Variants in DDX4 observed in about 807,000 individuals in gnomAD.
The protein encoded by DDX4 is DEAD-box helicase 4, also known as probable ATP-dependent RNA helicase DDX4.
A neutral mutation model predicts 100.0 loss-of-function variants in DDX4; 25 were observed. The ratio of observed to expected loss-of-function variants is 0.25; its 90% CI spans 0.18 to 0.35. The LOEUF (loss-of-function observed/expected upper bound fraction) is 0.35. Ranked by LOEUF, DDX4 falls within the 10% of genes least tolerant of loss-of-function variation. DDX4 has a pLI of 1.00. For synonymous variants in DDX4, 259 were observed against 275.7 expected (o/e 0.94, Z 0.60); for missense variants, 635 against 882.4 (o/e 0.72, Z 3.55).
At chr5:55,782,104 CT>C in intron 10 of DDX4, 123 bp downstream of exon 10, 1 of 1,077,270 alleles carries the variant, frequency 9.3e-7, no homozygotes, top group Non-Finnish European at 1.4e-6. Flanking sequence ...ACTGTTATTG[CT>C]TTTATACACT....
At chr5:55,745,879 A>G (rs187833073) in intron 2 of DDX4, among the ~76,000 whole-genome samples, 64 of 152,306 alleles carry the variant, frequency 4.2e-4, no homozygotes, top group Admixed American at 2.1e-3. Context: ...TAGTACTTCA[A>G]TCAAACTCTT....
At chr5:55,811,960 A>T (rs1469655152) in intron 18 of DDX4, among the ~76,000 whole-genome samples, 1 of 152,208 alleles carries the variant, frequency 6.6e-6, no homozygotes, top group East Asian at 1.9e-4. Context: ...GAGTAAGTGT[A>T]TTAAGCTTTA....
chr5:55,757,250 A>G (rs749309321), intron 3 of DDX4, among the ~76,000 whole-genome samples: 2 of 152,170 alleles, frequency 1.3e-5, no homozygotes, highest in Admixed American at 6.6e-5. Context: ...GTAGTCTTTT[A>G]TCCCTCACCC....
chr5:55,738,608 C>T (rs897630931), intron 1 of DDX4, among the ~76,000 whole-genome samples: 1 of 152,072 alleles, frequency 6.6e-6, no homozygotes, highest in Admixed American at 6.5e-5. Flanking sequence ...AAAAAAGTTG[C>T]CTCTCCCTTA....
chr5:55,762,622 C>T (rs1385798769), intron 4 of DDX4, among the ~76,000 whole-genome samples: 1 of 151,992 alleles, frequency 6.6e-6, no homozygotes, highest in African/African-American at 2.4e-5. Flanking sequence ...TTTAGAATTA[C>T]ATAGTGAGAA....
intron 11 of DDX4, 22 bp from the exon 12 acceptor site, chr5:55,785,425 T>C: frequency 6.2e-7 from 1 of 1,603,858 alleles, no homozygotes; most frequent in Non-Finnish European, 8.5e-7. Flanking sequence ...ATGTATCTCT[T>C]TTTTATTTGA....
chr5:55,816,629 C>T lies in DDX4; in HGVS notation c.*89C>T. ...TTTTTAACAGAAGTATAAAACTTAA[C>T]ATTCTCATAGCTCCTGTCCTTGTAT... On this transcript the variant is annotated 3_prime_UTR_variant, in exon 22 of 22. Coordinates refer to ENST00000505374, the MANE Select transcript of DDX4 (RefSeq NM_024415.3). 6.5e-7 allele frequency: 1 copy of T among 1,541,132 alleles called. No individual in the cohort carries two copies. The highest frequency in any genetic ancestry group is 1.2e-5 in the South Asian group (1 of 81,724).
At chr5:55,787,696 C>A in intron 14 of DDX4, 150 bp from the exon 15 acceptor site, 2 of 824,380 alleles carry the variant, frequency 2.4e-6, no homozygotes, top group Non-Finnish European at 3.5e-6. Flanking sequence ...TTAAGAACAC[C>A]TTGAAATGAA....
Position 55,815,122 on chromosome 5 carries a change from T to G in DDX4, c.1937T>G (p.Leu646Arg). 1.2e-6 allele frequency: 2 copies of G among 1,614,244 alleles called. No homozygotes were observed. The highest frequency in any genetic ancestry group is 1.7e-6 in the Non-Finnish European group (2 of 1,180,048). Residue 646 changes from leucine to arginine, a missense_variant, in exon 20 of 22, where the codon CTT becomes CGT. Coordinates refer to ENST00000505374, the MANE Select transcript of DDX4 (RefSeq NM_024415.3). ...NTGRAISFFD[L>R]ESDNHLAQPL... ...GGCAGAGCAATTTCCTTTTTTGATC[T>G]TGAATCGGATAACCATTTAGCACAG...
rs148222084 is a variant in DDX4 at position 55,792,739 on chromosome 5, A to G, written c.1401A>G (p.Pro467=). Residue 467 remains proline (P), a synonymous_variant, in exon 17 of 22, where the codon CCA becomes CCG. Transcript: ENST00000505374. ...AAATGAAGAAGTTAATTTCTTGCCC[A>G]GGAATGCCATCAAAGGAACAGCGCC... ...GPEMKKLISC[P]GMPSKEQRQT... is the part of the protein sequence containing the mutation. The G allele has an allele frequency of 4.7e-5, 75 of 1,601,146 alleles. 1 individual carries two copies. The highest frequency in any genetic ancestry group is 3.3e-5 in the Non-Finnish European group (39 of 1,172,486).
intron 18 of DDX4, among the ~76,000 whole-genome samples, chr5:55,803,885 C>A (rs1157325713): frequency 6.6e-6 from 1 of 152,134 alleles, no homozygotes; most frequent in African/African-American, 2.4e-5. Flanking sequence ...AGTTCTAGAT[C>A]CCTGAGGAAT....
At chr5:55,788,897 C>T (rs1366173111) in intron 15 of DDX4, among the ~76,000 whole-genome samples, 3 of 152,120 alleles carry the variant, frequency 2.0e-5, no homozygotes, top group East Asian at 3.9e-4. Context: ...GAAAACCCAT[C>T]TCTACAAAAA....
At chr5:55,762,945 C>G (rs1740654945) in intron 4 of DDX4, among the ~76,000 whole-genome samples, 2 of 152,088 alleles carry the variant, frequency 1.3e-5, no homozygotes, top group Admixed American at 1.3e-4. Flanking sequence ...ATAATACCAA[C>G]TAGTAGAAAG....
chr5:55,797,638 A>G (rs1743047651), intron 17 of DDX4, among the ~76,000 whole-genome samples: 1 of 152,186 alleles, frequency 6.6e-6, no homozygotes, highest in African/African-American at 2.4e-5. Flanking sequence ...CATAGGAGGG[A>G]GAGGCATTGA....
At chr5:55,778,009 A>T (rs1049208550) in intron 7 of DDX4, among the ~76,000 whole-genome samples, 3 of 152,176 alleles carry the variant, frequency 2.0e-5, no homozygotes, top group East Asian at 3.9e-4. Context: ...GCTTGATTTA[A>T]TATTTGTTTG....
At chr5:55,760,048 C>A (rs1279147361) in intron 3 of DDX4, 152 bp from the exon 4 acceptor site, 2 of 584,272 alleles carry the variant, frequency 3.4e-6, no homozygotes, top group Non-Finnish European at 2.8e-6. Context: ...ATTCATGTAG[C>A]CATTTTTTTT....
chr5:55,743,402 A>G (rs1008870849), intron 2 of DDX4, among the ~76,000 whole-genome samples: 12 of 151,962 alleles, frequency 7.9e-5, no homozygotes, highest in African/African-American at 2.9e-4. Flanking sequence ...CTTTAACTTA[A>G]TTTCATCTGC....
At chr5:55,800,758 T>C (rs970098660) in intron 18 of DDX4, among the ~76,000 whole-genome samples, 3 of 152,214 alleles carry the variant, frequency 2.0e-5, no homozygotes, top group African/African-American at 7.2e-5. Context: ...ATTGATATAC[T>C]TCTGTATTAT....
rs1031822700 is a variant in DDX4, at chr5:55,787,929, G to C, written c.1101G>C (p.Glu367Asp). Residue 367 changes from glutamate (E) to aspartate (D), a missense_variant, in exon 15 of 22, where the codon GAG (glutamate) becomes GAC (aspartate). Around this residue, in one of 4 missense-constraint regions of DDX4, gnomAD observed 446 missense variants for 540.8 expected, o/e 0.82. Transcript: ENST00000505374. ...ASRFKELQEP[E>D]CIIVAPTREL... Reference sequence around the variant, plus strand: ...GTTTTAAAGAGTTGCAGGAACCAGAGTGTATTATTGTAGCACCAACTCGAG... The same window carrying C: ...GTTTTAAAGAGTTGCAGGAACCAGACTGTATTATTGTAGCACCAACTCGAG... 34 of 1,613,778 alleles carry C rather than the reference G, an allele frequency of 2.1e-5. No homozygotes were observed. Among genetic ancestry groups the C allele is most frequent in the Non-Finnish European group, 2.9e-5 (34 of 1,179,958 alleles).
Sources: allele counts gnomAD v4.1 joint callset (sites outside exome capture counted in the v4.1 genomes callset), GRCh38; gene constraint gnomAD v4.1.1; regional missense constraint gnomAD v4.1.1; transcripts MANE v1.5; gene names NCBI Gene and HGNC (gene_info 2026-07-23, HGNC 2026-07-21).